Variants in GFRAL observed in about 807,000 individuals in gnomAD.
The protein encoded by GFRAL is GDNF family receptor alpha like.
Under a neutral mutation model 45.4 loss-of-function variants are expected in GFRAL, and 36 were observed. The observed-to-expected ratio is 0.79, with a 90% CI of 0.61 to 1.05. The LOEUF (loss-of-function observed/expected upper bound fraction) is 1.05. Among genes scored for constraint, GFRAL ranks in the 50% least tolerant of loss-of-function variants. The probability of loss-of-function intolerance (pLI) is 0.00; values close to 1 mark genes in which losing one functional copy is unlikely to be tolerated. For synonymous variants in GFRAL, 166 were observed against 154.1 expected, an observed-to-expected ratio of 1.08 and a Z score of -0.57; for missense variants, 507 against 467.5, an observed-to-expected ratio of 1.08 and a Z score of -0.78.
At chr6:55,348,595 A>ATGCGTTTTTTTTTTTTT (rs1562052150) in intron 3 of GFRAL, among the ~76,000 whole-genome samples, 17 of 152,082 alleles carry the variant, frequency 1.1e-4, no homozygotes, top group South Asian at 6.2e-4. Context: ...AGCCAGCCAC[A>ATGCGTTTTTTTTTTTTT]TTTTCCCTGC....
chr6:55,369,404 T>G (rs1335520800), intron 6 of GFRAL, among the ~76,000 whole-genome samples: 1 of 152,232 alleles, frequency 6.6e-6, no homozygotes, highest in Non-Finnish European at 1.5e-5. Context: ...ACCCATCTTC[T>G]GCGTCGCTCA....
intron 6 of GFRAL, among the ~76,000 whole-genome samples, chr6:55,371,581 T>A (rs993604497): frequency 2.6e-5 from 4 of 152,190 alleles, no homozygotes; most frequent in African/African-American, 9.6e-5. Context: ...TTGTCACAAG[T>A]TTTTTGTAGA....
intron 3 of GFRAL, among the ~76,000 whole-genome samples, chr6:55,340,051 G>A (rs75751366): frequency 0.023 from 3,510 of 152,262 alleles, 107 homozygotes; most frequent in South Asian, 0.073. Flanking sequence ...AAATATTCCC[G>A]ATGGACTTCG....
intron 1 of GFRAL, among the ~76,000 whole-genome samples, chr6:55,329,198 A>C (rs1767800337): frequency 6.6e-6 from 1 of 152,066 alleles, no homozygotes; most frequent in Non-Finnish European, 1.5e-5. Flanking sequence ...CAAATCATTG[A>C]GGTGGTTTTC....
Position 55,347,793 on chromosome 6 carries a change from A to T in GFRAL, c.317-2299A>T, listed in dbSNP as rs558681850. Among the ~76,000 whole-genome samples the T allele has an allele frequency of 3.3e-5, 5 of 152,156 alleles. No individual in the cohort carries two copies. In the East Asian group the frequency reaches 5.8e-4, roughly 18 times the overall value. On this transcript the variant is annotated intron_variant, in intron 3 of 8. Transcript: ENST00000340465. ...CTTTTCTATTTTTCTTCTTGCTTCC[A>T]TGGGTGATTCTTCTCAGTCTCTTTT...
At chr6:55,398,470 T>C (rs1168065300) in intron 6 of GFRAL, among the ~76,000 whole-genome samples, 1 of 152,214 alleles carries the variant, frequency 6.6e-6, no homozygotes, top group African/African-American at 2.4e-5. Flanking sequence ...AAGTTATTGA[T>C]AAAAATCACC....
rs759614872 is a variant in GFRAL, at chr6:55,401,871, A to C, written c.*18A>C. 7.6e-7 allele frequency: 1 copy of C among 1,319,878 alleles called. No homozygotes were observed. The highest frequency in any genetic ancestry group is 1.1e-6 in the Non-Finnish European group (1 of 913,530). The allele number at this position is 1,319,878 out of a possible 1,614,324, so 81.8% of individuals were successfully genotyped here. A position where few individuals can be genotyped will look rare whatever the true frequency, so the allele number is the denominator to read the frequency against. On this transcript the variant is annotated 3_prime_UTR_variant, in exon 9 of 9. Coordinates refer to ENST00000340465, the MANE Select transcript of GFRAL (RefSeq NM_207410.2). ...AACTCTGATTCATTAGGAGTCATGG[A>C]CCTATAACAATCACTCTTTTCTCTG...
Position 55,350,000 on chromosome 6 carries a change from G to A in GFRAL, c.317-92G>A, listed in dbSNP as rs1376504538. ...TATGTACTTTTGCTTGAATATATGTGGACTTTACTCATTTATAAATGTGGC... is the reference window on the plus strand; with the variant it reads ...TATGTACTTTTGCTTGAATATATGTAGACTTTACTCATTTATAAATGTGGC... On this transcript the variant is annotated intron_variant, in intron 3 of 8. Coordinates refer to ENST00000340465, the MANE Select transcript of GFRAL (RefSeq NM_207410.2). 3 of 751,196 alleles carry A rather than the reference G, an allele frequency of 4.0e-6. No individual in the cohort carries two copies. The Admixed American group carries it at 5.6e-5, about 14-fold the overall frequency. The allele number at this position is 751,196 out of a possible 1,614,324, so 46.5% of individuals were successfully genotyped here.
At chr6:55,331,671 G>A (rs1205600735) in intron 1 of GFRAL, 44 bp from the exon 2 acceptor site, 2 of 1,565,946 alleles carry the variant, frequency 1.3e-6, no homozygotes, top group Non-Finnish European at 8.6e-7. Context: ...GAAAATGGAT[G>A]CCAAATTTAT....
intron 6 of GFRAL, among the ~76,000 whole-genome samples, chr6:55,375,105 G>A (rs536255840): frequency 1.2e-4 from 18 of 152,050 alleles, no homozygotes; most frequent in South Asian, 6.2e-4. Flanking sequence ...TGGCTATTTC[G>A]CTCTTTTTTT....
intron 6 of GFRAL, among the ~76,000 whole-genome samples, chr6:55,362,959 G>C (rs1768297481): frequency 6.7e-6 from 1 of 150,172 alleles, no homozygotes; most frequent in Admixed American, 6.7e-5. Context: ...GAGAGGAGGA[G>C]GAGAAGGGGG....
chr6:55,341,655 G>A (rs974165651), intron 3 of GFRAL, among the ~76,000 whole-genome samples: 1 of 152,158 alleles, frequency 6.6e-6, no homozygotes, highest in African/African-American at 2.4e-5. Context: ...CGCCAGCAAT[G>A]GAACAAAGCT....
chr6:55,369,185 G>A (rs1003561185), intron 6 of GFRAL, among the ~76,000 whole-genome samples: 1 of 152,086 alleles, frequency 6.6e-6, no homozygotes, highest in African/African-American at 2.4e-5. Context: ...GCAGTATTCG[G>A]GTGGGAGTGA....
At position 55,359,118 on chromosome 6, in the gene GFRAL, T is replaced by A; in HGVS notation, c.932T>A (p.Leu311His). ...TTGTGTAAGATTTTCCAGCACATGCTTCATAGAAAATCATGTTTCAGTAAG... is the reference window on the plus strand; with the variant it reads ...TTGTGTAAGATTTTCCAGCACATGCATCATAGAAAATCATGTTTCAGTAAG... ...ESLCKIFQHM[L>H]HRKSCFNYPT... Residue 311 changes from leucine to histidine, a missense_variant, in exon 6 of 9, where the codon CTT becomes CAT. Transcript: ENST00000340465. 6.2e-7 allele frequency: 1 copy of A among 1,611,596 alleles called. No homozygotes were observed.
At position 55,346,244 on chromosome 6, in the gene GFRAL, A is replaced by T. The variant is rs900040143; in HGVS notation, c.317-3848A>T. Reference sequence around the variant, plus strand: ...CTGCTATAAAGACACATGCACACGTATGTTTACTGCAACACTATTCACAAT... The same window carrying T: ...CTGCTATAAAGACACATGCACACGTTTGTTTACTGCAACACTATTCACAAT... On this transcript the variant is annotated intron_variant, in intron 3 of 8. Transcript: ENST00000340465. 2.9e-4 allele frequency among the ~76,000 whole-genome samples: 44 copies of T among 152,164 alleles called. 1 individual carries two copies. Among genetic ancestry groups the T allele is most frequent in the African/African-American group, 7.2e-4 (30 of 41,434 alleles).
At chr6:55,365,350 G>A (rs1191546032) in intron 6 of GFRAL, among the ~76,000 whole-genome samples, 7 of 138,588 alleles carry the variant, frequency 5.1e-5, no homozygotes, top group Non-Finnish European at 9.3e-5. Flanking sequence ...CTGAGACAAT[G>A]GGGTTTTCTA....
At chr6:55,383,429 T>C (rs1248010108) in intron 6 of GFRAL, among the ~76,000 whole-genome samples, 1 of 152,032 alleles carries the variant, frequency 6.6e-6, no homozygotes, top group African/African-American at 2.4e-5. Flanking sequence ...ATCGTATTTT[T>C]ACTGTGTTAT....
intron 3 of GFRAL, among the ~76,000 whole-genome samples, chr6:55,341,740 GT>G (rs200903315): frequency 0.013 from 1,974 of 152,266 alleles, 21 homozygotes; most frequent in Non-Finnish European, 0.022. Flanking sequence ...AAAGGAGGAT[GT>G]TCGAACCCAT....
At chr6:55,394,293 T>G (rs1320067018) in intron 6 of GFRAL, among the ~76,000 whole-genome samples, 3 of 152,098 alleles carry the variant, frequency 2.0e-5, no homozygotes, top group Non-Finnish European at 4.4e-5. Context: ...TTAAAATCAT[T>G]GGAAAACTGA....
Sources: allele counts gnomAD v4.1 joint callset (sites outside exome capture counted in the v4.1 genomes callset), GRCh38; gene constraint gnomAD v4.1.1; transcripts MANE v1.5; gene names NCBI Gene and HGNC (gene_info 2026-07-23, HGNC 2026-07-21).